The following SIK3 variants were observed in gnomAD, a reference collection of about 807,000 sequenced individuals.
SIK3 encodes the protein serine/threonine-protein kinase SIK3.
SIK3 carries 28 observed loss-of-function variants against 144.2 expected under a neutral mutation model. That is an observed-to-expected ratio of 0.19 (90% CI 0.14 to 0.27). The LOEUF (loss-of-function observed/expected upper bound fraction) is 0.27, where lower values mean the gene tolerates loss of function less well. SIK3 is among the 10% of genes least tolerant of loss of function. The probability of loss-of-function intolerance (pLI) is 1.00; values close to 1 mark genes in which losing one functional copy is unlikely to be tolerated. For synonymous variants in SIK3, 686 were observed against 676.3 expected (o/e 1.01, Z -0.22); for missense variants, 1,319 against 1,776.0 (o/e 0.74, Z 4.62).
intron 1 of SIK3, among the ~76,000 whole-genome samples, chr11:116,963,997 C>G (rs1949435930): frequency 6.6e-6 from 1 of 152,122 alleles, no homozygotes; most frequent in Non-Finnish European, 1.5e-5. Context: ...TGACCAAGGT[C>G]AGGATGTAGG....
intron 3 of SIK3, among the ~76,000 whole-genome samples, chr11:116,938,604 A>AT (rs1948103847): frequency 3.5e-4 from 12 of 34,638 alleles, no homozygotes; most frequent in East Asian, 9.1e-4. Context: ...AGGGGAGGAG[A>AT]GGAGAGGAGA....
At chr11:116,980,406 TAAAAC>T (rs376582371) in intron 1 of SIK3, among the ~76,000 whole-genome samples, 26 of 152,260 alleles carry the variant, frequency 1.7e-4, no homozygotes, top group African/African-American at 4.6e-4. Flanking sequence ...GCTAAAAGCC[TAAAAC>T]AAAACAAAAC....
At chr11:116,934,144 G>C (rs1947775686) in intron 3 of SIK3, among the ~76,000 whole-genome samples, 1 of 152,118 alleles carries the variant, frequency 6.6e-6, no homozygotes, top group Non-Finnish European at 1.5e-5. Context: ...ACCCTACTTA[G>C]TTGGTGTACT....
At chr11:116,955,967 T>A (rs1377744789) in intron 2 of SIK3, among the ~76,000 whole-genome samples, 2 of 152,154 alleles carry the variant, frequency 1.3e-5, no homozygotes, top group Non-Finnish European at 2.9e-5. Flanking sequence ...GAGCCTTGGG[T>A]GTACTTTCTC....
chr11:116,929,243 T>G (rs1193066056), intron 3 of SIK3, among the ~76,000 whole-genome samples: 1 of 152,218 alleles, frequency 6.6e-6, no homozygotes, highest in Non-Finnish European at 1.5e-5. Context: ...ATGTTTTAGT[T>G]GCTAAACCTT....
chr11:116,883,174 G>A (rs1185526644), intron 6 of SIK3, among the ~76,000 whole-genome samples: 1 of 152,206 alleles, frequency 6.6e-6, no homozygotes, highest in African/African-American at 2.4e-5. Flanking sequence ...GAGCCACATG[G>A]CTTTGATAAG....
intron 1 of SIK3, among the ~76,000 whole-genome samples, chr11:116,972,350 T>G (rs1036729476): frequency 6.6e-6 from 1 of 152,170 alleles, no homozygotes; most frequent in Non-Finnish European, 1.5e-5. Flanking sequence ...TTGTTAAATA[T>G]AAACAGAGAT....
intron 1 of SIK3, among the ~76,000 whole-genome samples, chr11:116,982,251 C>A (rs577746935): frequency 2.0e-4 from 30 of 152,116 alleles, no homozygotes; most frequent in Non-Finnish European, 3.5e-4. Flanking sequence ...CCCTCAGAAC[C>A]ACCACCACCT....
At chr11:117,097,676 C>A (rs2134118019) in intron 1 of SIK3, among the ~76,000 whole-genome samples, 1 of 152,202 alleles carries the variant, frequency 6.6e-6, no homozygotes, top group East Asian at 1.9e-4. Flanking sequence ...CGTGCCCCAG[C>A]CGTCCTGGGT....
At chr11:117,083,699 C>A (rs1304066418) in intron 1 of SIK3, among the ~76,000 whole-genome samples, 1 of 152,176 alleles carries the variant, frequency 6.6e-6, no homozygotes, top group African/African-American at 2.4e-5. Context: ...AGAAATCCTG[C>A]AGGTGTCCAA....
At chr11:117,021,444 G>A (rs115711800) in intron 1 of SIK3, among the ~76,000 whole-genome samples, 243 of 152,198 alleles carry the variant, frequency 1.6e-3, no homozygotes, top group African/African-American at 4.8e-3. Flanking sequence ...ACCCATGTCC[G>A]TAGCACGCTG....
chr11:116,897,986 T>A (rs1373386650), intron 4 of SIK3, among the ~76,000 whole-genome samples: 1 of 152,196 alleles, frequency 6.6e-6, no homozygotes, highest in African/African-American at 2.4e-5. Context: ...TTTTTTTTTT[T>A]ATTATACTTT....
At chr11:117,067,540 G>C (rs762427071) in intron 1 of SIK3, among the ~76,000 whole-genome samples, 3 of 152,154 alleles carry the variant, frequency 2.0e-5, no homozygotes, top group African/African-American at 4.8e-5. Context: ...AATGCAAACA[G>C]TGCTACTGTA....
intron 3 of SIK3, among the ~76,000 whole-genome samples, chr11:116,932,453 A>G (rs146623722): frequency 4.3e-4 from 65 of 152,298 alleles, no homozygotes; most frequent in Non-Finnish European, 7.8e-4. Flanking sequence ...ACTTTATCAC[A>G]TGTGTAGATT....
At chr11:117,040,765 G>A (rs1952703709) in intron 1 of SIK3, among the ~76,000 whole-genome samples, 1 of 152,092 alleles carries the variant, frequency 6.6e-6, no homozygotes, top group South Asian at 2.1e-4. Flanking sequence ...AGATTATCCA[G>A]AAACTTAAAG....
At chr11:116,870,614 CTTCA>C (rs1405371596) in intron 13 of SIK3, among the ~76,000 whole-genome samples, 5 of 152,172 alleles carry the variant, frequency 3.3e-5, no homozygotes, top group Admixed American at 1.3e-4. Context: ...TCTTATTTAT[CTTCA>C]TTCATTCATT....
At chr11:116,856,071 C>T (rs1412242170) in intron 21 of SIK3, among the ~76,000 whole-genome samples, 1 of 151,940 alleles carries the variant, frequency 6.6e-6, no homozygotes, top group Non-Finnish European at 1.5e-5. Context: ...GTGGCGGGCA[C>T]ATGTAGTCCC....
intron 1 of SIK3, among the ~76,000 whole-genome samples, chr11:117,029,294 G>T (rs1369046438): frequency 6.6e-6 from 1 of 151,826 alleles, no homozygotes; most frequent in Non-Finnish European, 1.5e-5. Flanking sequence ...GTGAAACCCT[G>T]GATCTACAAA....
chr11:117,022,309 A>T (rs1040043927), intron 1 of SIK3, among the ~76,000 whole-genome samples: 1 of 152,176 alleles, frequency 6.6e-6, no homozygotes, highest in African/African-American at 2.4e-5. Flanking sequence ...TTTAATATCT[A>T]TGCATTTCCT....
Sources: allele counts gnomAD v4.1 joint callset (sites outside exome capture counted in the v4.1 genomes callset), GRCh38; gene constraint gnomAD v4.1.1; transcripts MANE v1.5; gene names NCBI Gene and HGNC (gene_info 2026-07-23, HGNC 2026-07-21).